Variants in NHSL3 observed in about 807,000 individuals in gnomAD.
The protein encoded by NHSL3 is NHS-like protein 3.
chr1:32,764,261 C>G, the NHSL3 span, among the ~76,000 whole-genome samples: 3 of 150,766 alleles, frequency 2.0e-5, no homozygotes, highest in African/African-American at 7.3e-5. Context: ...GGAGTCTTCA[C>G]TACCCAAAAT....
the NHSL3 span, chr1:32,769,717 T>G: frequency 6.2e-7 from 1 of 1,613,998 alleles, no homozygotes; most frequent in South Asian, 1.1e-5. Context: ...ATCTGGAAAG[T>G]CAGGGCGGCG....
At chr1:32,761,092 T>C in the NHSL3 span, among the ~76,000 whole-genome samples, 1 of 152,026 alleles carries the variant, frequency 6.6e-6, no homozygotes, top group African/African-American at 2.4e-5. Flanking sequence ...CCCAGGCATG[T>C]TGGGGATGGG....
chr1:32,766,516 C>T, the NHSL3 span, among the ~76,000 whole-genome samples: 2 of 151,996 alleles, frequency 1.3e-5, no homozygotes, highest in African/African-American at 2.4e-5. Context: ...CTGGGGATCT[C>T]GGGCACTGGT....
At chr1:32,751,178 T>C in the NHSL3 span, among the ~76,000 whole-genome samples, 1 of 152,168 alleles carries the variant, frequency 6.6e-6, no homozygotes, top group Non-Finnish European at 1.5e-5. Flanking sequence ...GGAGTTCTGG[T>C]CCATATGCCT....
the NHSL3 span, among the ~76,000 whole-genome samples, chr1:32,767,341 CTGTT>C: frequency 1.4e-4 from 22 of 152,124 alleles, no homozygotes; most frequent in African/African-American, 4.6e-4. Context: ...TACTTGGTTA[CTGTT>C]TGTGTATATA....
the NHSL3 span, among the ~76,000 whole-genome samples, chr1:32,749,078 T>C: frequency 6.6e-6 from 1 of 152,084 alleles, no homozygotes; most frequent in African/African-American, 2.4e-5. Context: ...GAAAATACGC[T>C]GAACAAGTAA....
At chr1:32,751,557 A>G in the NHSL3 span, among the ~76,000 whole-genome samples, 10 of 152,182 alleles carry the variant, frequency 6.6e-5, no homozygotes, top group African/African-American at 2.2e-4. Flanking sequence ...CACGGGGTGC[A>G]GGGGAGCCCT....
the NHSL3 span, among the ~76,000 whole-genome samples, chr1:32,757,309 G>C: frequency 6.6e-6 from 1 of 152,114 alleles, no homozygotes; most frequent in African/African-American, 2.4e-5. Flanking sequence ...ACAAAAGTGG[G>C]GTGTTAGGAA....
the NHSL3 span, chr1:32,771,899 C>A: frequency 6.3e-7 from 1 of 1,588,386 alleles, no homozygotes; most frequent in South Asian, 1.1e-5. Flanking sequence ...GGGCCATCGG[C>A]CCCCCAGAAA....
chr1:32,771,378 A>ACCC, the NHSL3 span: 1 of 534,794 alleles, frequency 1.9e-6, no homozygotes, highest in South Asian at 2.5e-5. Context: ...CACCTTCCCC[A>ACCC]CCCCCATCTT....
At chr1:32,754,210 A>G in the NHSL3 span, 1 of 707,276 alleles carries the variant, frequency 1.4e-6, no homozygotes, top group East Asian at 2.7e-5. Context: ...CGGGGCAGGC[A>G]GGGAGGAGGG....
chr1:32,767,114 G>A, the NHSL3 span, among the ~76,000 whole-genome samples: 2 of 152,206 alleles, frequency 1.3e-5, no homozygotes, highest in African/African-American at 4.8e-5. Context: ...TGGGAATATG[G>A]TTGTAACTCA....
the NHSL3 span, among the ~76,000 whole-genome samples, chr1:32,763,183 C>T: frequency 6.6e-6 from 1 of 151,632 alleles, no homozygotes. Flanking sequence ...AAGGTTTCAC[C>T]ATGTTGGTCA....
the NHSL3 span, chr1:32,768,751 C>A: frequency 1.2e-6 from 2 of 1,613,834 alleles, no homozygotes; most frequent in Non-Finnish European, 1.7e-6. Context: ...GCTCTCCATC[C>A]GCTCGGAGAT....
the NHSL3 span, chr1:32,771,712 G>C: frequency 6.2e-7 from 1 of 1,613,082 alleles, no homozygotes; most frequent in East Asian, 2.2e-5. Flanking sequence ...CCCAGCTCCT[G>C]CTAGTTCCGC....
At chr1:32,743,295 A>G in the NHSL3 span, among the ~76,000 whole-genome samples, 1 of 151,994 alleles carries the variant, frequency 6.6e-6, no homozygotes, top group Non-Finnish European at 1.5e-5. Flanking sequence ...CTTCTGGGAG[A>G]GTTAGAAGGA....
chr1:32,758,745 C>T, the NHSL3 span, among the ~76,000 whole-genome samples: 1 of 152,134 alleles, frequency 6.6e-6, no homozygotes, highest in African/African-American at 2.4e-5. Flanking sequence ...CCAACCCCTG[C>T]CACATCTCAG....
At chr1:32,761,338 C>T in the NHSL3 span, among the ~76,000 whole-genome samples, 1 of 152,126 alleles carries the variant, frequency 6.6e-6, no homozygotes, top group Non-Finnish European at 1.5e-5. Context: ...GGAGAGGCTG[C>T]GAGCTCTGAC....
chr1:32,756,243 C>T, the NHSL3 span, among the ~76,000 whole-genome samples: 3 of 152,054 alleles, frequency 2.0e-5, no homozygotes. Context: ...AGGAGATGGT[C>T]CTAATTTGTC....
Sources: gnomAD v4.1 joint callset for allele counts (sites outside exome capture counted in the v4.1 genomes callset) on GRCh38, gnomAD v4.1.1 for gene constraint, MANE v1.5 for transcripts, NCBI Gene and HGNC (gene_info 2026-07-23, HGNC 2026-07-21) for gene names.